The following RNF150 variants were observed in gnomAD, a reference collection of about 807,000 sequenced individuals.
RNF150 encodes ring finger protein 150.
In RNF150, 24 loss-of-function variants were observed where a neutral mutation model predicts 39.3. The ratio of observed to expected loss-of-function variants is 0.61; its 90% CI spans 0.44 to 0.86. The LOEUF (loss-of-function observed/expected upper bound fraction) is 0.86, where lower values mean the gene tolerates loss of function less well. Ranked by LOEUF, RNF150 falls within the 40% of genes least tolerant of loss-of-function variation. RNF150 has a pLI of 0.00. For missense variants in RNF150, 502 were observed against 587.8 expected, an observed-to-expected ratio of 0.85 and a Z score of 1.51; for synonymous variants, 255 against 227.3, an observed-to-expected ratio of 1.12 and a Z score of -1.10.
At chr4:141,121,323 C>T (rs13435125) in intron 1 of RNF150, among the ~76,000 whole-genome samples, 8,126 of 152,174 alleles carry the variant, frequency 0.053, 645 homozygotes, top group African/African-American at 0.17. Context: ...TCTCTCTCCC[C>T]AGACAAGTGA....
At position 140,886,678 on chromosome 4, in the gene RNF150, C is replaced by T. The variant is rs550007875; in HGVS notation, c.1199-18299G>A. ...TGTTGACCATACTGGAGTGCAGCAACACAATCTTGGCTTATTGCAGCCTCG... is the reference window on the plus strand; with the variant it reads ...TGTTGACCATACTGGAGTGCAGCAATACAATCTTGGCTTATTGCAGCCTCG... On this transcript the variant is annotated intron_variant, in intron 6 of 6. Coordinates refer to ENST00000515673, the MANE Select transcript of RNF150 (RefSeq NM_020724.2). Among the ~76,000 whole-genome samples, 5 of 152,224 alleles carry T rather than the reference C, an allele frequency of 3.3e-5. No individual in the cohort carries two copies. In the South Asian group the frequency reaches 1.0e-3, roughly 32 times the overall value.
At chr4:141,199,095 G>A (rs1204854556) in intron 1 of RNF150, among the ~76,000 whole-genome samples, 3 of 152,102 alleles carry the variant, frequency 2.0e-5, no homozygotes, top group Non-Finnish European at 4.4e-5. Flanking sequence ...AAAGAAGTAT[G>A]AATAGCAAAC....
chr4:140,918,181 TA>T (rs1185817071), intron 5 of RNF150, among the ~76,000 whole-genome samples: 1 of 151,576 alleles, frequency 6.6e-6, no homozygotes, highest in Non-Finnish European at 1.5e-5. Context: ...AAGCAAGAAA[TA>T]ACTAAAATCA....
Position 141,062,110 on chromosome 4 carries a change from C to T in RNF150, c.484+70215G>A, listed in dbSNP as rs150986727. ...TAGGAGACACACTTTCATACTACAG[C>T]AGAGAAATAACCTTATTAAAACTAA... On this transcript the variant is annotated intron_variant, in intron 1 of 6. Coordinates refer to ENST00000515673, the MANE Select transcript of RNF150 (RefSeq NM_020724.2). Among the ~76,000 whole-genome samples the T allele has an allele frequency of 5.0e-3, 757 of 152,142 alleles. 6 individuals are homozygous for T. Among genetic ancestry groups the T allele is most frequent in the African/African-American group, 0.017 (712 of 41,504 alleles).
At chr4:141,112,126 C>T (rs1739404468) in intron 1 of RNF150, among the ~76,000 whole-genome samples, 1 of 152,132 alleles carries the variant, frequency 6.6e-6, no homozygotes, top group African/African-American at 2.4e-5. Flanking sequence ...TATAACTATT[C>T]TTTAAGCCAA....
chr4:140,964,912 G>C (rs745801149), intron 2 of RNF150, among the ~76,000 whole-genome samples: 2 of 151,864 alleles, frequency 1.3e-5, no homozygotes, highest in Non-Finnish European at 2.9e-5. Flanking sequence ...AAGTATATAT[G>C]GGTATTTAAT....
chr4:140,977,514 C>T (rs1733707469), intron 1 of RNF150, among the ~76,000 whole-genome samples: 1 of 152,076 alleles, frequency 6.6e-6, no homozygotes, highest in African/African-American at 2.4e-5. Context: ...CTTGATCAAG[C>T]CACATCTGAA....
In RNF150 at chr4:140,896,690, A is replaced by T. The variant is rs1393078522; in HGVS notation, c.1198+14454T>A. Among the ~76,000 whole-genome samples, 9 of 88,454 alleles carry T rather than the reference A, an allele frequency of 1.0e-4. No individual in the cohort carries two copies. The East Asian group carries it at 2.3e-3, about 22-fold the overall frequency. The allele number at this position is 88,454 out of a possible 152,430, so 58.0% of individuals were successfully genotyped here. A position where few individuals can be genotyped will look rare whatever the true frequency, so the allele number is the denominator to read the frequency against. ...TACCCTAAAACTTAGAGTATAATAA[A>T]AAAAAAAAAACAAAAAAACAAACAA... On this transcript the variant is annotated intron_variant, in intron 6 of 6. Transcript: ENST00000515673.
intron 1 of RNF150, among the ~76,000 whole-genome samples, chr4:140,975,485 T>C (rs1336696399): frequency 6.6e-6 from 1 of 152,154 alleles, no homozygotes; most frequent in East Asian, 1.9e-4. Flanking sequence ...TGTGTATGTG[T>C]TTTATAAAAC....
At chr4:141,058,640 C>T (rs1737089729) in intron 1 of RNF150, among the ~76,000 whole-genome samples, 1 of 152,078 alleles carries the variant, frequency 6.6e-6, no homozygotes, top group African/African-American at 2.4e-5. Flanking sequence ...TTATACTGTC[C>T]TACCCCTCGA....
chr4:141,067,867 G>C (rs1378316108), intron 1 of RNF150, among the ~76,000 whole-genome samples: 1 of 151,928 alleles, frequency 6.6e-6, no homozygotes, highest in African/African-American at 2.4e-5. Context: ...AATCATACAT[G>C]GATACAGGTG....
At chr4:141,078,596 A>AT (rs1254451238) in intron 1 of RNF150, among the ~76,000 whole-genome samples, 1 of 151,566 alleles carries the variant, frequency 6.6e-6, no homozygotes, top group East Asian at 1.9e-4. Context: ...CCTGGCCAAC[A>AT]TGGTGAAACC....
intron 5 of RNF150, among the ~76,000 whole-genome samples, chr4:140,913,519 A>C (rs13111885): frequency 0.55 from 83,594 of 151,960 alleles, 23,497 homozygotes; most frequent in East Asian, 0.89. Flanking sequence ...TCAAGGTCTC[A>C]AGTTGGCCCC....
chr4:141,063,739 T>C (rs560230225), intron 1 of RNF150, among the ~76,000 whole-genome samples: 1 of 152,256 alleles, frequency 6.6e-6, no homozygotes, highest in African/African-American at 2.4e-5. Flanking sequence ...TATGCTAGAC[T>C]CTCGGGATAC....
chr4:141,183,630 AG>A (rs1727949856), intron 1 of RNF150, among the ~76,000 whole-genome samples: 2 of 151,942 alleles, frequency 1.3e-5, no homozygotes, highest in African/African-American at 4.8e-5. Context: ...GTACTGTTTA[AG>A]CCCCACATGC....
At chr4:140,981,380 A>G (rs1288426076) in intron 1 of RNF150, among the ~76,000 whole-genome samples, 1 of 152,150 alleles carries the variant, frequency 6.6e-6, no homozygotes, top group East Asian at 1.9e-4. Flanking sequence ...TTTACATAAT[A>G]CTTTTAGTAA....
chr4:141,054,210 T>C (rs1479045644), intron 1 of RNF150, among the ~76,000 whole-genome samples: 2 of 152,200 alleles, frequency 1.3e-5, no homozygotes, highest in Non-Finnish European at 2.9e-5. Flanking sequence ...TAGGTTTCTA[T>C]AGTTATCGCT....
At chr4:140,927,500 C>T (rs1467017801) in intron 4 of RNF150, among the ~76,000 whole-genome samples, 1 of 152,174 alleles carries the variant, frequency 6.6e-6, no homozygotes, top group East Asian at 1.9e-4. Context: ...CTTCCTTCTG[C>T]TCCAGCCTTG....
intron 1 of RNF150, among the ~76,000 whole-genome samples, chr4:141,020,357 C>T (rs1735446762): frequency 6.6e-6 from 1 of 152,100 alleles, no homozygotes; most frequent in Admixed American, 6.6e-5. Context: ...AAGGCAACTC[C>T]ACATTCTAAG....
Sources: allele counts gnomAD v4.1 joint callset (sites outside exome capture counted in the v4.1 genomes callset), GRCh38; gene constraint gnomAD v4.1.1; transcripts MANE v1.5; gene names NCBI Gene and HGNC (gene_info 2026-07-23, HGNC 2026-07-21).